TMEM45A: variants seen among roughly 807,000 people sequenced by gnomAD.
TMEM45A encodes the protein transmembrane protein 45A, also known as DNA polymerase-transactivated protein 4.
In TMEM45A, 25 loss-of-function variants were observed where a neutral mutation model predicts 32.0. The observed-to-expected ratio is 0.78, with a 90% CI of 0.57 to 1.09. TMEM45A has a LOEUF of 1.09. Among genes scored for constraint, TMEM45A ranks in the 50% least tolerant of loss-of-function variants. The pLI is 0.00. For synonymous variants in TMEM45A, 122 were observed against 114.8 expected (o/e 1.06, Z -0.40); for missense variants, 302 against 325.0 (o/e 0.93, Z 0.54).
Position 100,558,487 on chromosome 3 carries a change from G to T in TMEM45A, c.486G>T (p.Leu162=), listed in dbSNP as rs114609190. 8,056 of 1,614,094 alleles carry T rather than the reference G, an allele frequency of 5.0e-3. 37 individuals are homozygous for T. The highest frequency in any genetic ancestry group is 5.6e-3 in the Non-Finnish European group (6,634 of 1,180,010). Residue 162 remains leucine, a synonymous_variant, in exon 4 of 6, where the codon CTG becomes CTT. Transcript: ENST00000323523. ...AGCTGCTGGTTTTGGTCGTCTTTCT[G>T]ACAGGCCTCGTTGCCTTCCTAGAGT... The part of the protein sequence containing the change: ...VHQLLVLVVF[L]TGLVAFLEFL...
intron 1 of TMEM45A, among the ~76,000 whole-genome samples, chr3:100,552,081 A>T (rs7616292): frequency 6.6e-6 from 1 of 152,150 alleles, no homozygotes; most frequent in Non-Finnish European, 1.5e-5. Context: ...AAATTTCATC[A>T]TATCTATGAC....
chr3:100,512,813 A>T (rs1708190137), intron 1 of TMEM45A, among the ~76,000 whole-genome samples: 1 of 151,688 alleles, frequency 6.6e-6, no homozygotes, highest in African/African-American at 2.4e-5. Flanking sequence ...ATCCCACAGA[A>T]ATACAAACTA....
intron 5 of TMEM45A, among the ~76,000 whole-genome samples, chr3:100,576,054 T>C (rs1216928984): frequency 1.3e-5 from 2 of 152,292 alleles, no homozygotes; most frequent in African/African-American, 2.4e-5. Flanking sequence ...GGCTCATGCC[T>C]ATAATCGGAG....
At chr3:100,534,123 T>G (rs900267579) in intron 1 of TMEM45A, among the ~76,000 whole-genome samples, 1 of 152,210 alleles carries the variant, frequency 6.6e-6, no homozygotes, top group Non-Finnish European at 1.5e-5. Flanking sequence ...TGTTCTCTTC[T>G]TCCCCTCTTC....
intron 1 of TMEM45A, among the ~76,000 whole-genome samples, chr3:100,546,513 A>T (rs897856068): frequency 6.6e-6 from 1 of 152,220 alleles, no homozygotes; most frequent in African/African-American, 2.4e-5. Flanking sequence ...TTCTTACTAC[A>T]TCATTAATGA....
chr3:100,572,081 G>A (rs202021079), intron 5 of TMEM45A: 418 of 138,140 alleles, frequency 3.0e-3, no homozygotes, highest in South Asian at 7.9e-3. Context: ...TGTCTTTATA[G>A]CAGCATGATT....
intron 1 of TMEM45A, among the ~76,000 whole-genome samples, chr3:100,531,969 A>G (rs1055707570): frequency 1.3e-5 from 2 of 152,250 alleles, no homozygotes; most frequent in Non-Finnish European, 2.9e-5. Context: ...AGTTTATAAT[A>G]GAAGTGATTT....
chr3:100,503,097 T>C (rs1188215614), intron 1 of TMEM45A, among the ~76,000 whole-genome samples: 1 of 151,498 alleles, frequency 6.6e-6, no homozygotes, highest in Non-Finnish European at 1.5e-5. Context: ...CTCTTCTTCC[T>C]CTTCCTCTTC....
chr3:100,523,736 TCTCCTCCTTCTC>T (rs1162320602), intron 1 of TMEM45A, among the ~76,000 whole-genome samples: 46 of 146,200 alleles, frequency 3.1e-4, no homozygotes, highest in Admixed American at 2.2e-3. Flanking sequence ...CCTCCTCCTT[TCTCCTCCTTCTC>T]CTCCTCCTTC....
chr3:100,564,459 C>A (rs139517290), intron 4 of TMEM45A, among the ~76,000 whole-genome samples: 256 of 150,878 alleles, frequency 1.7e-3, no homozygotes, highest in African/African-American at 5.9e-3. Flanking sequence ...GCAACTAAAG[C>A]AAATTATTAT....
chr3:100,538,842 A>T (rs1438282018), intron 1 of TMEM45A, among the ~76,000 whole-genome samples: 1 of 152,130 alleles, frequency 6.6e-6, no homozygotes, highest in South Asian at 2.1e-4. Flanking sequence ...TAAAAATACA[A>T]CATCATTTAC....
chr3:100,567,200 G>T (rs145653710), intron 4 of TMEM45A, among the ~76,000 whole-genome samples: 2 of 151,590 alleles, frequency 1.3e-5, no homozygotes, highest in African/African-American at 4.8e-5. Flanking sequence ...TATGAGGTAG[G>T]GGTCCAAATT....
chr3:100,493,923 G>C (rs2148919954), intron 1 of TMEM45A, among the ~76,000 whole-genome samples: 1 of 152,210 alleles, frequency 6.6e-6, no homozygotes, highest in East Asian at 1.9e-4. Context: ...GTAAAGACGG[G>C]GTTTCGCCAT....
chr3:100,574,333 A>T (rs1331926780), intron 5 of TMEM45A: 1 of 152,244 alleles, frequency 6.6e-6, no homozygotes, highest in Non-Finnish European at 1.5e-5. Context: ...CACCGATCCC[A>T]CAGAAATACA....
At chr3:100,549,276 C>CA (rs200815281) in intron 1 of TMEM45A, among the ~76,000 whole-genome samples, 1,543 of 151,330 alleles carry the variant, frequency 0.01, 26 homozygotes, top group African/African-American at 0.036. Context: ...AAAAAACAAA[C>CA]AAAAAAACCA....
chr3:100,530,323 A>G (rs1339759165), intron 1 of TMEM45A, among the ~76,000 whole-genome samples: 1 of 152,176 alleles, frequency 6.6e-6, no homozygotes, highest in Admixed American at 6.5e-5. Context: ...CCCAGAGGGT[A>G]GTTGATGTTG....
intron 1 of TMEM45A, among the ~76,000 whole-genome samples, chr3:100,541,306 G>C (rs1705870218): frequency 6.6e-6 from 1 of 152,028 alleles, no homozygotes. Context: ...GGTTTATTTT[G>C]CTCTGCAGAA....
intron 1 of TMEM45A, among the ~76,000 whole-genome samples, chr3:100,553,492 C>T (rs955131918): frequency 2.0e-5 from 3 of 152,124 alleles, no homozygotes; most frequent in Non-Finnish European, 2.9e-5. Context: ...CCAAATACAA[C>T]CCATTTTCAG....
chr3:100,501,967 G>A (rs1031872135), intron 1 of TMEM45A, among the ~76,000 whole-genome samples: 4 of 152,104 alleles, frequency 2.6e-5, no homozygotes, highest in Non-Finnish European at 5.9e-5. Context: ...AGAGGAAAAA[G>A]AAACCAAGGT....
Sources: gnomAD v4.1 joint callset for allele counts (sites outside exome capture counted in the v4.1 genomes callset) on GRCh38, gnomAD v4.1.1 for gene constraint, MANE v1.5 for transcripts, NCBI Gene and HGNC (gene_info 2026-07-23, HGNC 2026-07-21) for gene names.